The following ELFN2 variants were observed in gnomAD, a reference collection of about 807,000 sequenced individuals.
ELFN2 encodes protein phosphatase 1 regulatory subunit 29.
In ELFN2, 17 loss-of-function variants were observed where a neutral mutation model predicts 45.5. That is an observed-to-expected ratio of 0.37 (90% confidence interval 0.26 to 0.56). The LOEUF (loss-of-function observed/expected upper bound fraction) is 0.56, where lower values mean the gene tolerates loss of function less well. ELFN2 is among the 20% of genes least tolerant of loss of function. The probability of loss-of-function intolerance (pLI) is 0.77; values close to 1 mark genes in which losing one functional copy is unlikely to be tolerated. For missense variants in ELFN2, 922 were observed against 1,183.2 expected (o/e 0.78, Z 3.24); for synonymous variants, 550 against 551.5 (o/e 1.00, Z 0.04).
chr22:37,374,521 G>C lies in ELFN2; in HGVS notation c.1014C>G (p.Thr338=). Residue 338 remains threonine (T), a synonymous_variant, in exon 3 of 3, where the codon ACC becomes ACG. Transcript: ENST00000402918. ...YNNSYFSDVM[T]LKNKKEIVTL... is the part of the protein sequence containing the mutation. ...TCACGATCTCCTTCTTGTTCTTGAGGGTCATGACGTCGGAGAAGTAGCTGT... is the reference window on the plus strand; with the variant it reads ...TCACGATCTCCTTCTTGTTCTTGAGCGTCATGACGTCGGAGAAGTAGCTGT... 1 of 1,614,238 alleles carries C rather than the reference G, an allele frequency of 6.2e-7. No individual in the cohort carries two copies. Among genetic ancestry groups the C allele is most frequent in the Non-Finnish European group, 8.5e-7 (1 of 1,180,038 alleles).
At chr22:37,419,251 G>A (rs1040588696) in intron 1 of ELFN2, among the ~76,000 whole-genome samples, 3 of 151,790 alleles carry the variant, frequency 2.0e-5, no homozygotes, top group Non-Finnish European at 4.4e-5. Flanking sequence ...AGGCTCCCAG[G>A]CCTAGCTGGG....
At chr22:37,379,276 C>A (rs151251833) in intron 2 of ELFN2, among the ~76,000 whole-genome samples, 2 of 152,228 alleles carry the variant, frequency 1.3e-5, no homozygotes, top group Admixed American at 1.3e-4. Context: ...ACAATTGACA[C>A]CTGGTCTGGC....
chr22:37,415,348 G>A (rs1932748086), intron 2 of ELFN2, among the ~76,000 whole-genome samples: 1 of 152,242 alleles, frequency 6.6e-6, no homozygotes. Flanking sequence ...TCCCATGAAG[G>A]AGACCAGTGG....
chr22:37,410,776 C>T (rs906459084), intron 2 of ELFN2, among the ~76,000 whole-genome samples: 7 of 152,190 alleles, frequency 4.6e-5, no homozygotes, highest in African/African-American at 1.7e-4. Flanking sequence ...CCACGGCCAG[C>T]GGGGGATGAA....
At chr22:37,400,434 TG>T (rs913419642) in intron 2 of ELFN2, among the ~76,000 whole-genome samples, 44 of 152,322 alleles carry the variant, frequency 2.9e-4, no homozygotes, top group African/African-American at 1.1e-3. Context: ...TGGGCAGGGC[TG>T]GGGCAAAGGC....
intron 1 of ELFN2, among the ~76,000 whole-genome samples, chr22:37,426,670 C>G (rs1316714007): frequency 1.3e-5 from 2 of 149,726 alleles, no homozygotes; most frequent in East Asian, 3.9e-4. Flanking sequence ...CACACACACA[C>G]CCGGCAGTGG....
intron 1 of ELFN2, chr22:37,353,300 A>G (rs1930868572): frequency 6.6e-6 from 1 of 150,994 alleles, no homozygotes; most frequent in East Asian, 1.9e-4. Context: ...GTCTAGTCCA[A>G]TCGAGTTACT....
chr22:37,425,467 T>A (rs1932840635), intron 1 of ELFN2, among the ~76,000 whole-genome samples: 2 of 151,824 alleles, frequency 1.3e-5, no homozygotes. Flanking sequence ...CCACCCCTCA[T>A]ATACAAGAGA....
At chr22:37,398,804 C>G (rs1335561289) in intron 2 of ELFN2, among the ~76,000 whole-genome samples, 1 of 152,140 alleles carries the variant, frequency 6.6e-6, no homozygotes, top group Non-Finnish European at 1.5e-5. Context: ...GTACACCTCT[C>G]CAGCTGGTGC....
chr22:37,403,819 G>T (rs1357725758), intron 2 of ELFN2, among the ~76,000 whole-genome samples: 1 of 152,248 alleles, frequency 6.6e-6, no homozygotes, highest in Admixed American at 6.5e-5. Context: ...CACACGCCGA[G>T]GAGACCACAG....
At chr22:37,410,944 T>C (rs1272981435) in intron 2 of ELFN2, among the ~76,000 whole-genome samples, 1 of 152,182 alleles carries the variant, frequency 6.6e-6, no homozygotes, top group Admixed American at 6.5e-5. Flanking sequence ...GGCCCCAGCC[T>C]GTCTCCAGCA....
chr22:37,422,380 G>GT (rs59591692), intron 1 of ELFN2, among the ~76,000 whole-genome samples: 317 of 151,618 alleles, frequency 2.1e-3, no homozygotes, highest in Non-Finnish European at 2.9e-3. Context: ...TTAAGAATTC[G>GT]TTTTTTTTGT....
downstream of ELFN2, among the ~76,000 whole-genome samples, chr22:37,367,039 C>A (rs761192625): frequency 6.6e-6 from 1 of 152,244 alleles, no homozygotes; most frequent in South Asian, 2.1e-4. Flanking sequence ...CTGAAGGCCA[C>A]AGGGTGATAT....
At chr22:37,393,480 C>T (rs1932133554) in intron 2 of ELFN2, among the ~76,000 whole-genome samples, 1 of 152,214 alleles carries the variant, frequency 6.6e-6, no homozygotes, top group African/African-American at 2.4e-5. Flanking sequence ...GAGAGGACAA[C>T]TGACACCCCC....
intron 1 of ELFN2, among the ~76,000 whole-genome samples, chr22:37,349,412 C>T (rs893572044): frequency 2.0e-5 from 3 of 151,238 alleles, no homozygotes; most frequent in African/African-American, 7.2e-5. Context: ...TTGGGGCAGC[C>T]CGGCCTACTT....
At chr22:37,396,065 C>T (rs2145665145) in intron 2 of ELFN2, among the ~76,000 whole-genome samples, 1 of 152,344 alleles carries the variant, frequency 6.6e-6, no homozygotes, top group East Asian at 1.9e-4. Context: ...GCTAACCAGA[C>T]ATTCCACATC....
Position 37,373,179 on chromosome 22 carries a change from T to C in ELFN2, c.2356A>G (p.Met786Val), listed in dbSNP as rs771854807. 7.4e-6 allele frequency: 12 copies of C among 1,613,796 alleles called. No individual in the cohort carries two copies. The highest frequency in any genetic ancestry group is 2.2e-5 in the East Asian group (1 of 44,882). The change falls in exon 3 of 3, where the codon ATG (methionine) becomes GTG (valine). Residue 786 changes from methionine (M) to valine (V), a missense_variant. Coordinates refer to ENST00000402918, the MANE Select transcript of ELFN2 (RefSeq NM_052906.5). ...YKKHHREEVY[M>V]AAGHALRKKV... ...TTGCGCAGGGCGTGACCGGCGGCCATGTACACCTCCTCCCGGTGGTGCTTC... is the reference window on the plus strand; with the variant it reads ...TTGCGCAGGGCGTGACCGGCGGCCACGTACACCTCCTCCCGGTGGTGCTTC...
At chr22:37,385,979 C>A (rs1397583719) in intron 2 of ELFN2, among the ~76,000 whole-genome samples, 1 of 152,186 alleles carries the variant, frequency 6.6e-6, no homozygotes, top group Non-Finnish European at 1.5e-5. Flanking sequence ...TGTCCTGACC[C>A]TCTGACAGCT....
In ELFN2 at chr22:37,369,847, C is replaced by G. The variant is rs1026463219; in HGVS notation, c.*3225G>C. On this transcript the variant is annotated 3_prime_UTR_variant, in exon 3 of 3. Transcript: ENST00000402918. The stretch of plus-strand genomic sequence containing the variant: ...TCTCCCCTCCCTCCCTGTGGCCCCC[C>G]CTGCCCTCTTTTCCTGGTGTCTGCC... The G allele has an allele frequency of 2.0e-5, 3 of 153,224 alleles. No individual in the cohort carries two copies. The East Asian group carries it at 5.8e-4, about 29-fold the overall frequency. The allele number at this position is 153,224 out of a possible 1,614,324, so 9.5% of individuals were successfully genotyped here.
Sources: gnomAD v4.1 joint callset for allele counts (sites outside exome capture counted in the v4.1 genomes callset) on GRCh38, gnomAD v4.1.1 for gene constraint, MANE v1.5 for transcripts, NCBI Gene and HGNC (gene_info 2026-07-23, HGNC 2026-07-21) for gene names.